Variants in PRKG1 observed in about 807,000 individuals in gnomAD.
PRKG1 encodes cGMP-dependent protein kinase 1.
A neutral mutation model predicts 88.1 loss-of-function variants in PRKG1; 35 were observed. The observed-to-expected ratio is 0.40, with a 90% CI of 0.30 to 0.53. The LOEUF is 0.53. Ranked by LOEUF, PRKG1 falls within the 20% of genes least tolerant of loss-of-function variation. The pLI, the probability that PRKG1 is intolerant of heterozygous loss-of-function variation, is 0.59. For synonymous variants in PRKG1, 303 were observed against 292.5 expected (o/e 1.04, Z -0.37); for missense variants, 540 against 839.8 (o/e 0.64, Z 4.41).
chr10:52,015,411 G>A (rs958926693), intron 5 of PRKG1, among the ~76,000 whole-genome samples: 2 of 152,208 alleles, frequency 1.3e-5, no homozygotes, highest in Admixed American at 6.5e-5. Flanking sequence ...CATGTCCCAA[G>A]GCTGCACAGA....
intron 2 of PRKG1, among the ~76,000 whole-genome samples, chr10:51,452,769 C>T (rs1219142877): frequency 6.6e-6 from 1 of 151,656 alleles, no homozygotes; most frequent in African/African-American, 2.4e-5. Context: ...AATTATGTCC[C>T]TTCTTGGTTT....
chr10:51,530,936 G>C (rs1258957303), intron 3 of PRKG1, among the ~76,000 whole-genome samples: 1 of 152,218 alleles, frequency 6.6e-6, no homozygotes, highest in African/African-American at 2.4e-5. Flanking sequence ...CACAAAGCCA[G>C]AGTGAATTGC....
At chr10:51,795,600 T>G (rs1215262258) in intron 3 of PRKG1, among the ~76,000 whole-genome samples, 3 of 152,088 alleles carry the variant, frequency 2.0e-5, no homozygotes, top group Non-Finnish European at 4.4e-5. Context: ...GTTATGCGCT[T>G]GATGGAGCCC....
chr10:51,396,076 T>A (rs1466549830), intron 2 of PRKG1, among the ~76,000 whole-genome samples: 4 of 152,204 alleles, frequency 2.6e-5, no homozygotes, highest in African/African-American at 9.7e-5. Context: ...TTGATAATAT[T>A]TATCAGTGTT....
At chr10:52,250,059 T>C (rs1023396673) in intron 9 of PRKG1, among the ~76,000 whole-genome samples, 18 of 152,100 alleles carry the variant, frequency 1.2e-4, no homozygotes, top group Admixed American at 6.6e-5. Flanking sequence ...GCTAGCCCTT[T>C]CAATGGGATG....
At chr10:51,168,262 A>G (rs545984097) in intron 2 of PRKG1, among the ~76,000 whole-genome samples, 4 of 152,202 alleles carry the variant, frequency 2.6e-5, no homozygotes, top group Non-Finnish European at 5.9e-5. Context: ...TAGAGGCCAC[A>G]TGGTGTGTGG....
chr10:51,079,679 T>TGTG (rs1844055940), intron 1 of PRKG1, among the ~76,000 whole-genome samples: 1 of 150,182 alleles, frequency 6.7e-6, no homozygotes, highest in South Asian at 2.1e-4. Flanking sequence ...TAAGGCTCAT[T>TGTG]TGTGTGTGTG....
chr10:51,766,944 A>G (rs957038699), intron 3 of PRKG1, among the ~76,000 whole-genome samples: 4 of 152,176 alleles, frequency 2.6e-5, no homozygotes, highest in Admixed American at 2.6e-4. Context: ...GCAACACAAC[A>G]GAAGCCAACT....
chr10:51,258,874 T>C (rs894982779), intron 2 of PRKG1, among the ~76,000 whole-genome samples: 24 of 152,338 alleles, frequency 1.6e-4, no homozygotes, highest in Admixed American at 4.6e-4. Flanking sequence ...AGGAGATGCA[T>C]TGTGGATCTC....
At position 52,171,786 on chromosome 10, in the gene PRKG1, A is replaced by ATTTTTTTTTTTTTT. The variant is rs545195374; in HGVS notation, c.1076+9837_1076+9850dup. ...ATAGAAGTATTTTTCTTTTATCAAA[A>ATTTTTTTTTTTTTT]TTTTTTTTTTTTTTTTTTTTTTTTT... On this transcript the variant is annotated intron_variant, in intron 9 of 17. Transcript: ENST00000373980. Among the ~76,000 whole-genome samples, 11 of 93,860 alleles carry ATTTTTTTTTTTTTT rather than the reference A, an allele frequency of 1.2e-4. 1 individual carries two copies. Among genetic ancestry groups the ATTTTTTTTTTTTTT allele is most frequent in the African/African-American group, 4.7e-4 (11 of 23,450 alleles). 61.6% of individuals were successfully genotyped at this position (93,860 alleles called of 152,430 possible).
chr10:52,036,940 G>T (rs1211729310), intron 5 of PRKG1, among the ~76,000 whole-genome samples: 2 of 152,262 alleles, frequency 1.3e-5, no homozygotes, highest in East Asian at 3.9e-4. Context: ...TTAAGAAGGG[G>T]ACGGGCTTAC....
chr10:51,630,003 G>A (rs1396352400), intron 3 of PRKG1, among the ~76,000 whole-genome samples: 1 of 152,184 alleles, frequency 6.6e-6, no homozygotes, highest in East Asian at 1.9e-4. Flanking sequence ...CTTGAACACA[G>A]TTGTCATTCT....
chr10:52,088,947 G>T (rs1003705041), intron 7 of PRKG1, among the ~76,000 whole-genome samples: 1 of 152,036 alleles, frequency 6.6e-6, no homozygotes, highest in Non-Finnish European at 1.5e-5. Context: ...TAAACAAAGG[G>T]TGTATGGCAC....
intron 3 of PRKG1, among the ~76,000 whole-genome samples, chr10:51,803,708 T>C (rs919272071): frequency 6.6e-6 from 1 of 151,966 alleles, no homozygotes; most frequent in Non-Finnish European, 1.5e-5. Flanking sequence ...ATGACTATGA[T>C]ATTTGAATTG....
intron 5 of PRKG1, among the ~76,000 whole-genome samples, chr10:51,996,943 A>C (rs1165735597): frequency 6.6e-6 from 1 of 152,216 alleles, no homozygotes; most frequent in East Asian, 1.9e-4. Context: ...AAATTCAGCC[A>C]TAAAAAAGGA....
intron 1 of PRKG1, among the ~76,000 whole-genome samples, chr10:51,032,173 G>C (rs1045377938): frequency 1.3e-5 from 2 of 152,074 alleles, no homozygotes; most frequent in African/African-American, 2.4e-5. Context: ...GAGACAACAG[G>C]CTGCCAGGAT....
At chr10:51,569,267 CT>C (rs1198834811) in intron 3 of PRKG1, among the ~76,000 whole-genome samples, 1 of 151,954 alleles carries the variant, frequency 6.6e-6, no homozygotes, top group Non-Finnish European at 1.5e-5. Context: ...ATTTAAATAA[CT>C]TTATAGCAAG....
rs200514910 is a variant in PRKG1, at chr10:51,609,994, T to TA, written c.592+142167dup. Among the ~76,000 whole-genome samples the TA allele has an allele frequency of 2.6e-5, 4 of 152,212 alleles. No homozygotes were observed. In the South Asian group the frequency reaches 6.2e-4, roughly 24 times the overall value. On this transcript the variant is annotated intron_variant, in intron 3 of 17. Transcript: ENST00000373980. ...GCACATGTACCCCAAACTTATAAAT[T>TA]AAAAAAAAATTTTTTTGATCCATTG...
intron 5 of PRKG1, among the ~76,000 whole-genome samples, chr10:52,038,824 TA>T (rs1845683961): frequency 1.3e-5 from 2 of 152,024 alleles, no homozygotes; most frequent in Non-Finnish European, 2.9e-5. Context: ...GGTCCACGGA[TA>T]AAAACATGTC....
Sources: gnomAD v4.1 joint callset for allele counts (sites outside exome capture counted in the v4.1 genomes callset) on GRCh38, gnomAD v4.1.1 for gene constraint, MANE v1.5 for transcripts, NCBI Gene and HGNC (gene_info 2026-07-23, HGNC 2026-07-21) for gene names.